The following TMEM108 variants were observed in gnomAD, a reference collection of about 807,000 sequenced individuals.
The protein encoded by TMEM108 is transmembrane protein 108.
TMEM108 carries 12 observed loss-of-function variants against 35.1 expected under a neutral mutation model. That is an observed-to-expected ratio of 0.34 (90% confidence interval 0.22 to 0.55). TMEM108 has a LOEUF of 0.55. Ranked by LOEUF, TMEM108 falls within the 20% of genes least tolerant of loss-of-function variation. TMEM108 has a pLI of 0.89. For missense variants in TMEM108, 680 were observed against 753.3 expected, an observed-to-expected ratio of 0.90 and a Z score of 1.14; for synonymous variants, 287 against 308.6, an observed-to-expected ratio of 0.93 and a Z score of 0.73.
At chr3:133,372,632 A>C (rs1468892338) in intron 3 of TMEM108, among the ~76,000 whole-genome samples, 1 of 152,174 alleles carries the variant, frequency 6.6e-6, no homozygotes, top group African/African-American at 2.4e-5. Context: ...GTACTCTGGG[A>C]AGCAGTTTCC....
chr3:133,221,261 C>T (rs1364305370), intron 2 of TMEM108, among the ~76,000 whole-genome samples: 3 of 152,064 alleles, frequency 2.0e-5, no homozygotes, highest in Non-Finnish European at 4.4e-5. Context: ...GACCAGCCCC[C>T]ACCCAGGAGC....
chr3:133,232,766 G>A (rs62280357), intron 3 of TMEM108, among the ~76,000 whole-genome samples: 80,684 of 151,342 alleles, frequency 0.53, 23,205 homozygotes, highest in Middle Eastern at 0.67. Flanking sequence ...GCTCTACTCA[G>A]GAATGTGGTA....
intron 3 of TMEM108, among the ~76,000 whole-genome samples, chr3:133,343,021 G>T (rs2071712350): frequency 6.6e-6 from 1 of 151,718 alleles, no homozygotes; most frequent in Admixed American, 6.6e-5. Context: ...TCATTCTATA[G>T]CCCATAAATA....
At chr3:133,152,018 A>G (rs936651281) in intron 2 of TMEM108, among the ~76,000 whole-genome samples, 1 of 152,128 alleles carries the variant, frequency 6.6e-6, no homozygotes, top group Non-Finnish European at 1.5e-5. Flanking sequence ...AAATCGGGTG[A>G]TGACGTATTT....
At chr3:133,163,205 C>A (rs149362719) in intron 2 of TMEM108, among the ~76,000 whole-genome samples, 2 of 152,110 alleles carry the variant, frequency 1.3e-5, no homozygotes, top group African/African-American at 4.8e-5. Flanking sequence ...GTTGGGGAAC[C>A]CTTTTTTCTG....
intron 3 of TMEM108, among the ~76,000 whole-genome samples, chr3:133,359,751 T>C (rs1246416366): frequency 6.6e-6 from 1 of 152,118 alleles, no homozygotes; most frequent in Non-Finnish European, 1.5e-5. Context: ...AAAGGTAAAA[T>C]AGTAAAGCAC....
At chr3:133,108,399 T>C (rs577602927) in intron 2 of TMEM108, among the ~76,000 whole-genome samples, 53 of 152,322 alleles carry the variant, frequency 3.5e-4, no homozygotes, top group African/African-American at 1.2e-3. Context: ...ATGTGTTTTT[T>C]GGCTGCATAA....
intron 3 of TMEM108, among the ~76,000 whole-genome samples, chr3:133,290,040 C>T (rs748285404): frequency 2.6e-5 from 4 of 152,160 alleles, no homozygotes; most frequent in South Asian, 2.1e-4. Flanking sequence ...GTCCCTGCCC[C>T]GATGAGTCTG....
chr3:133,229,674 G>A (rs1327905129), intron 3 of TMEM108, among the ~76,000 whole-genome samples: 1 of 152,212 alleles, frequency 6.6e-6, no homozygotes, highest in Non-Finnish European at 1.5e-5. Context: ...ATTTGGGAAT[G>A]AGTGTCCAAA....
At chr3:133,283,343 T>A (rs1186386586) in intron 3 of TMEM108, among the ~76,000 whole-genome samples, 1 of 152,090 alleles carries the variant, frequency 6.6e-6, no homozygotes, top group African/African-American at 2.4e-5. Flanking sequence ...CAACGAAGAT[T>A]TCAGGAAATA....
At chr3:133,154,939 A>C (rs1468933690) in intron 2 of TMEM108, among the ~76,000 whole-genome samples, 2 of 152,140 alleles carry the variant, frequency 1.3e-5, no homozygotes, top group Non-Finnish European at 2.9e-5. Flanking sequence ...AAGTAAACTC[A>C]TGACTAGGAG....
intron 2 of TMEM108, among the ~76,000 whole-genome samples, chr3:133,095,806 C>A (rs1334451306): frequency 6.6e-6 from 1 of 152,166 alleles, no homozygotes; most frequent in Non-Finnish European, 1.5e-5. Flanking sequence ...TGCTTGTTCG[C>A]TCACCCGATG....
intron 2 of TMEM108, among the ~76,000 whole-genome samples, chr3:133,084,211 C>T (rs1414979343): frequency 1.3e-5 from 2 of 152,096 alleles, no homozygotes; most frequent in African/African-American, 4.8e-5. Context: ...TCAACATTTA[C>T]CCACATTCTT....
chr3:133,386,379 C>A, intron 4 of TMEM108: 1 of 1,535,988 alleles, frequency 6.5e-7, no homozygotes, highest in Non-Finnish European at 8.7e-7. Flanking sequence ...AAGGTTGAAT[C>A]CTCAGGGGAC....
In TMEM108 at chr3:133,092,420, A is replaced by G. The variant is rs975541001; in HGVS notation, c.-47+46400A>G. ...TCTTTCTGTCAAATTTTAAATTTAT[A>G]ATTTTTTAGTTGGACAGTTTTAAGC... On this transcript the variant is annotated intron_variant, in intron 2 of 5. Coordinates refer to ENST00000321871, the MANE Select transcript of TMEM108 (RefSeq NM_023943.4). Among the ~76,000 whole-genome samples the G allele has an allele frequency of 2.6e-5, 4 of 152,212 alleles. No homozygotes were observed. In the South Asian group the frequency reaches 8.3e-4, roughly 32 times the overall value.
At chr3:133,395,134 G>A (rs1413299299) in intron 5 of TMEM108, among the ~76,000 whole-genome samples, 3 of 152,192 alleles carry the variant, frequency 2.0e-5, no homozygotes, top group Non-Finnish European at 2.9e-5. Flanking sequence ...ATTACCTTCT[G>A]GGCAGTGGAT....
At chr3:133,092,103 G>A (rs942411319) in intron 2 of TMEM108, among the ~76,000 whole-genome samples, 22 of 152,284 alleles carry the variant, frequency 1.4e-4, no homozygotes, top group African/African-American at 5.3e-4. Context: ...GCTAAACTGA[G>A]GCACTCTTCT....
chr3:133,129,991 AATATTAAAGGACT>A (rs1252192258), intron 2 of TMEM108, among the ~76,000 whole-genome samples: 4 of 266 alleles, frequency 0.015, no homozygotes, highest in Admixed American at 0.083. Context: ...TAAAAGCAAA[AATATTAAAGGACT>A]TTTTTGCAAA....
intron 2 of TMEM108, among the ~76,000 whole-genome samples, chr3:133,156,200 T>C (rs1003275403): frequency 8.5e-5 from 13 of 152,078 alleles, no homozygotes; most frequent in South Asian, 2.1e-4. Context: ...GTTCAGAAAA[T>C]AGTGATTCTG....
Sources: allele counts gnomAD v4.1 joint callset (sites outside exome capture counted in the v4.1 genomes callset), GRCh38; gene constraint gnomAD v4.1.1; transcripts MANE v1.5; gene names NCBI Gene and HGNC (gene_info 2026-07-23, HGNC 2026-07-21).